PRKG1: variants seen among roughly 807,000 people sequenced by gnomAD.
The protein encoded by PRKG1 is cGMP-dependent protein kinase 1.
Under a neutral mutation model 88.1 loss-of-function variants are expected in PRKG1, and 35 were observed. That is an observed-to-expected ratio of 0.40 (90% CI 0.30 to 0.53). The LOEUF (loss-of-function observed/expected upper bound fraction) is 0.53, where lower values mean the gene tolerates loss of function less well. Among genes scored for constraint, PRKG1 ranks in the 20% least tolerant of loss-of-function variants. The pLI is 0.59. For missense variants in PRKG1, 540 were observed against 839.8 expected, an observed-to-expected ratio of 0.64 and a Z score of 4.41; for synonymous variants, 303 against 292.5, an observed-to-expected ratio of 1.04 and a Z score of -0.37.
intron 2 of PRKG1, among the ~76,000 whole-genome samples, chr10:51,398,218 G>T (rs532244419): frequency 3.9e-5 from 6 of 152,250 alleles, no homozygotes; most frequent in Middle Eastern, 3.4e-3. Flanking sequence ...TGGGTGGGGG[G>T]ATGGTTTCAG....
At chr10:51,753,641 A>T (rs1441021502) in intron 3 of PRKG1, among the ~76,000 whole-genome samples, 1 of 152,192 alleles carries the variant, frequency 6.6e-6, no homozygotes, top group East Asian at 1.9e-4. Context: ...CCTTGTTCAT[A>T]GTAAGCCTTT....
At chr10:51,446,868 TGCTCTCA>T (rs1468539258) in intron 2 of PRKG1, among the ~76,000 whole-genome samples, 1 of 152,060 alleles carries the variant, frequency 6.6e-6, no homozygotes, top group Non-Finnish European at 1.5e-5. Context: ...CTAAACTACC[TGCTCTCA>T]GCAGCCATTT....
chr10:51,853,071 T>A (rs1405118871), intron 4 of PRKG1, among the ~76,000 whole-genome samples: 2 of 152,164 alleles, frequency 1.3e-5, no homozygotes, highest in Non-Finnish European at 2.9e-5. Context: ...GTTTTATAGA[T>A]GATTGAAGAA....
chr10:52,268,537 A>G (rs967159444), intron 10 of PRKG1, among the ~76,000 whole-genome samples: 2 of 152,076 alleles, frequency 1.3e-5, no homozygotes, highest in Non-Finnish European at 2.9e-5. Flanking sequence ...AGTTAAGCTT[A>G]AAGGTAATAG....
At chr10:51,911,402 A>G (rs1842213861) in intron 5 of PRKG1, among the ~76,000 whole-genome samples, 1 of 151,906 alleles carries the variant, frequency 6.6e-6, no homozygotes, top group African/African-American at 2.4e-5. Context: ...CTGTAAAAGT[A>G]TTTGCTATTT....
chr10:51,574,059 G>T (rs1045951855), intron 3 of PRKG1, among the ~76,000 whole-genome samples: 3 of 151,876 alleles, frequency 2.0e-5, no homozygotes, highest in Admixed American at 6.6e-5. Flanking sequence ...CTTTACTGTC[G>T]ATCAGTTCTG....
Position 51,578,392 on chromosome 10 carries a change from T to G in PRKG1, c.592+110556T>G, listed in dbSNP as rs1421729971. ...AAAGATAATCATTTTTCCTTGTCATTTTCTGTTTTTAAAGACATTCTTCTG... is the reference window on the plus strand; with the variant it reads ...AAAGATAATCATTTTTCCTTGTCATGTTCTGTTTTTAAAGACATTCTTCTG... On this transcript the variant is annotated intron_variant, in intron 3 of 17. Coordinates refer to ENST00000373980, the MANE Select transcript of PRKG1 (RefSeq NM_006258.4). Among the ~76,000 whole-genome samples the G allele has an allele frequency of 2.0e-5, 3 of 152,150 alleles. No homozygotes were observed. In the East Asian group the frequency reaches 5.8e-4, roughly 29 times the overall value.
intron 1 of PRKG1, among the ~76,000 whole-genome samples, chr10:51,044,287 C>T (rs1324471125): frequency 6.6e-6 from 1 of 152,066 alleles, no homozygotes; most frequent in East Asian, 1.9e-4. Context: ...TTGTGAAGGC[C>T]ATGGGGATGA....
At chr10:51,598,244 T>G (rs982684172) in intron 3 of PRKG1, among the ~76,000 whole-genome samples, 1 of 152,022 alleles carries the variant, frequency 6.6e-6, no homozygotes, top group Admixed American at 6.6e-5. Flanking sequence ...GCATCTTCAT[T>G]CTTTTAACTT....
chr10:51,864,060 G>T (rs1013733040), intron 4 of PRKG1, among the ~76,000 whole-genome samples: 2 of 152,156 alleles, frequency 1.3e-5, no homozygotes, highest in Non-Finnish European at 2.9e-5. Context: ...GGGACCAACT[G>T]CCCCAGTTTT....
chr10:51,538,395 A>G (rs10823152), intron 3 of PRKG1, among the ~76,000 whole-genome samples: 52,626 of 147,016 alleles, frequency 0.36, 10,961 homozygotes, highest in Non-Finnish European at 0.48. Flanking sequence ...TATACATATC[A>G]TATATATACA....
chr10:51,868,068 G>A lies in PRKG1; in HGVS notation c.699-39439G>A, dbSNP rs577357612. ...TGGTGCTTAGGTAATGTTGTGGAAG[G>A]AAAATGGAATGGAGAATGTCTATCA... On this transcript the variant is annotated intron_variant, in intron 4 of 17. Coordinates refer to ENST00000373980, the MANE Select transcript of PRKG1 (RefSeq NM_006258.4). Among the ~76,000 whole-genome samples, 34 of 152,298 alleles carry A rather than the reference G, an allele frequency of 2.2e-4. No individual in the cohort carries two copies. In the South Asian group the frequency reaches 7.0e-3, roughly 32 times the overall value.
At chr10:52,035,851 C>A (rs2133218938) in intron 5 of PRKG1, among the ~76,000 whole-genome samples, 1 of 152,318 alleles carries the variant, frequency 6.6e-6, no homozygotes, top group South Asian at 2.1e-4. Flanking sequence ...GGAGCCGCTG[C>A]ACGCAGACAT....
chr10:52,127,448 T>G (rs1219287875), intron 7 of PRKG1, among the ~76,000 whole-genome samples: 1 of 152,096 alleles, frequency 6.6e-6, no homozygotes, highest in African/African-American at 2.4e-5. Flanking sequence ...TTTTCCTCAA[T>G]GAGAGAAAGC....
At position 52,172,027 on chromosome 10, in the gene PRKG1, C is replaced by T. The variant is rs897167735; in HGVS notation, c.1076+10064C>T. Among the ~76,000 whole-genome samples, 373 of 151,618 alleles carry T rather than the reference C, an allele frequency of 2.5e-3. 3 individuals carry two copies. The highest frequency in any genetic ancestry group is 4.0e-3 in the Non-Finnish European group (273 of 67,800). The stretch of plus-strand genomic sequence containing the variant: ...CCTTGTTAGCCAGGATGGTCTCGAT[C>T]TCCTGACCTCATGATCCACCCGCCT... On this transcript the variant is annotated intron_variant, in intron 9 of 17. Coordinates refer to ENST00000373980, the MANE Select transcript of PRKG1 (RefSeq NM_006258.4).
chr10:52,104,963 A>G (rs1847380080), intron 7 of PRKG1, among the ~76,000 whole-genome samples: 1 of 152,244 alleles, frequency 6.6e-6, no homozygotes, highest in Admixed American at 6.5e-5. Flanking sequence ...TCATTTGACT[A>G]GAGGTGGGAT....
At chr10:51,845,682 A>C (rs1204307594) in intron 4 of PRKG1, among the ~76,000 whole-genome samples, 2 of 152,196 alleles carry the variant, frequency 1.3e-5, no homozygotes, top group Non-Finnish European at 2.9e-5. Flanking sequence ...TTGTCATCTT[A>C]TGGACATGTT....
At chr10:51,276,197 G>A (rs992504499) in intron 2 of PRKG1, among the ~76,000 whole-genome samples, 1 of 151,966 alleles carries the variant, frequency 6.6e-6, no homozygotes, top group African/African-American at 2.4e-5. Flanking sequence ...TCCCACCTAT[G>A]AGTGAGAAAA....
chr10:51,185,610 A>G (rs1010684633), intron 2 of PRKG1, among the ~76,000 whole-genome samples: 6 of 152,008 alleles, frequency 3.9e-5, no homozygotes, highest in Admixed American at 1.3e-4. Flanking sequence ...CTGTTTGTAT[A>G]GAAGAATATA....
Sources: gnomAD v4.1 joint callset for allele counts (sites outside exome capture counted in the v4.1 genomes callset) on GRCh38, gnomAD v4.1.1 for gene constraint, MANE v1.5 for transcripts, NCBI Gene and HGNC (gene_info 2026-07-23, HGNC 2026-07-21) for gene names.